The following PSD3 variants were observed in gnomAD, a reference collection of about 807,000 sequenced individuals.
PSD3 encodes PH and SEC7 domain-containing protein 3.
A neutral mutation model predicts 105.5 loss-of-function variants in PSD3; 49 were observed. That is an observed-to-expected ratio of 0.46 (90% CI 0.37 to 0.59). The LOEUF (loss-of-function observed/expected upper bound fraction) is 0.59. PSD3 is among the 20% of genes least tolerant of loss of function. PSD3 has a pLI of 0.00. For synonymous variants in PSD3, 557 were observed against 457.8 expected (o/e 1.22, Z -2.77); for missense variants, 1,561 against 1,263.8 (o/e 1.24, Z -3.57).
intron 2 of PSD3, among the ~76,000 whole-genome samples, chr8:18,878,576 C>T (rs896110030): frequency 1.3e-5 from 2 of 152,178 alleles, no homozygotes; most frequent in African/African-American, 2.4e-5. Context: ...GACATACACA[C>T]GCTCCTTTGC....
At chr8:18,641,732 G>C (rs1170498992) in intron 10 of PSD3, among the ~76,000 whole-genome samples, 3 of 152,128 alleles carry the variant, frequency 2.0e-5, no homozygotes, top group African/African-American at 7.2e-5. Context: ...GAATGCAGGG[G>C]CAGAACACTA....
chr8:19,040,312 C>A (rs972286), intron 1 of PSD3, among the ~76,000 whole-genome samples: 1 of 152,038 alleles, frequency 6.6e-6, no homozygotes, highest in Non-Finnish European at 1.5e-5. Context: ...AAGTGATCTC[C>A]CACCTCAGCC....
At chr8:18,580,254 G>C (rs968736331) in intron 12 of PSD3, among the ~76,000 whole-genome samples, 1 of 152,118 alleles carries the variant, frequency 6.6e-6, no homozygotes, top group African/African-American at 2.4e-5. Flanking sequence ...CCAGGCCAGA[G>C]ATGGACCTGC....
At chr8:18,895,585 T>G (rs1197737351) in intron 2 of PSD3, among the ~76,000 whole-genome samples, 1 of 152,242 alleles carries the variant, frequency 6.6e-6, no homozygotes, top group African/African-American at 2.4e-5. Flanking sequence ...TTTGCTAGAT[T>G]AATTTTCCTA....
At chr8:18,668,745 T>A (rs1799620790) in intron 9 of PSD3, among the ~76,000 whole-genome samples, 2 of 152,224 alleles carry the variant, frequency 1.3e-5, no homozygotes, top group African/African-American at 4.8e-5. Context: ...CAGTATTATG[T>A]GTATTGTTCA....
intron 1 of PSD3, among the ~76,000 whole-genome samples, chr8:19,005,525 G>A (rs1402606080): frequency 6.6e-6 from 1 of 151,964 alleles, no homozygotes; most frequent in East Asian, 1.9e-4. Context: ...CTGTCACTCA[G>A]ACTAGAGCAC....
intron 12 of PSD3, among the ~76,000 whole-genome samples, chr8:18,577,589 C>A (rs1360685330): frequency 7.4e-6 from 1 of 134,924 alleles, no homozygotes; most frequent in Non-Finnish European, 1.6e-5. Context: ...AACTATGTGC[C>A]ACTTATTACT....
At chr8:18,986,515 C>G (rs1825502489) in intron 1 of PSD3, among the ~76,000 whole-genome samples, 1 of 150,108 alleles carries the variant, frequency 6.7e-6, no homozygotes, top group Admixed American at 6.7e-5. Flanking sequence ...ACTACACATT[C>G]TCAGGAAGTC....
At position 18,773,677 on chromosome 8, in the gene PSD3, A is replaced by G. The variant is rs550020486; in HGVS notation, c.2083-8139T>C. On this transcript the variant is annotated intron_variant, in intron 8 of 15. Coordinates refer to ENST00000327040, the MANE Select transcript of PSD3 (RefSeq NM_015310.4). ...GGTTTGATAAGTTTTGAAATGGAGA[A>G]ATCAGGAGTCCTCCAATTTTTTGCC... 4.6e-5 allele frequency among the ~76,000 whole-genome samples: 7 copies of G among 152,276 alleles called. No individual in the cohort carries two copies. In the East Asian group the frequency reaches 1.4e-3, roughly 29 times the overall value.
At chr8:18,737,589 A>G (rs1804249697) in intron 9 of PSD3, among the ~76,000 whole-genome samples, 1 of 152,188 alleles carries the variant, frequency 6.6e-6, no homozygotes, top group South Asian at 2.1e-4. Flanking sequence ...GGTGTGAGTC[A>G]CTACGCTTGG....
intron 1 of PSD3, among the ~76,000 whole-genome samples, chr8:18,950,400 A>G (rs530951463): frequency 1.3e-5 from 2 of 152,322 alleles, no homozygotes; most frequent in East Asian, 3.9e-4. Flanking sequence ...TTTGAAATGT[A>G]TAATACACCA....
chr8:18,593,682 T>C (rs1282488733), intron 12 of PSD3, among the ~76,000 whole-genome samples: 1 of 152,108 alleles, frequency 6.6e-6, no homozygotes, highest in Non-Finnish European at 1.5e-5. Flanking sequence ...CACGTACGTT[T>C]ATTGCAGCAC....
chr8:18,801,219 G>A, intron 7 of PSD3, 51 bp downstream of exon 7: 2 of 1,165,630 alleles, frequency 1.7e-6, no homozygotes, highest in Non-Finnish European at 2.5e-6. Context: ...TCATAATAAG[G>A]AAAATAACCA....
intron 1 of PSD3, among the ~76,000 whole-genome samples, chr8:19,071,455 C>T (rs1186686781): frequency 6.6e-6 from 1 of 152,160 alleles, no homozygotes; most frequent in Non-Finnish European, 1.5e-5. Flanking sequence ...GCTCAAGATG[C>T]TTCCCTTCTG....
Position 18,554,050 on chromosome 8 carries a change from G to A in PSD3, c.2928+2159C>T, listed in dbSNP as rs969585458. 2.0e-5 allele frequency among the ~76,000 whole-genome samples: 3 copies of A among 152,138 alleles called. No individual in the cohort carries two copies. The South Asian group carries it at 6.2e-4, about 32-fold the overall frequency. On this transcript the variant is annotated intron_variant, in intron 15 of 15. Transcript: ENST00000327040. ...GATTGAAAATGCTGGCTCTTGGTGG[G>A]TTACATTTTCAGAAAAGAGGTAGCG...
intron 11 of PSD3, among the ~76,000 whole-genome samples, chr8:18,614,520 T>C (rs1805512026): frequency 6.6e-6 from 1 of 151,958 alleles, no homozygotes; most frequent in East Asian, 1.9e-4. Flanking sequence ...ACATTGAATA[T>C]GGGAATAAGG....
At chr8:18,629,388 G>A (rs535313562) in intron 11 of PSD3, among the ~76,000 whole-genome samples, 1 of 152,046 alleles carries the variant, frequency 6.6e-6, no homozygotes, top group Admixed American at 6.6e-5. Flanking sequence ...ATATGTACGT[G>A]CAAAAACTTA....
At chr8:18,942,226 G>A (rs73666759) in intron 1 of PSD3, among the ~76,000 whole-genome samples, 1 of 151,712 alleles carries the variant, frequency 6.6e-6, no homozygotes. Flanking sequence ...AAGTCAGCCA[G>A]TGAGTATTAT....
At chr8:18,586,388 T>G (rs1212627575) in intron 12 of PSD3, among the ~76,000 whole-genome samples, 1 of 152,152 alleles carries the variant, frequency 6.6e-6, no homozygotes, top group Non-Finnish European at 1.5e-5. Flanking sequence ...CCATTTGTAA[T>G]GAAGAAATGC....
Sources: allele counts gnomAD v4.1 joint callset (sites outside exome capture counted in the v4.1 genomes callset), GRCh38; gene constraint gnomAD v4.1.1; transcripts MANE v1.5; gene names NCBI Gene and HGNC (gene_info 2026-07-23, HGNC 2026-07-21).